Variants in LTBP1 observed in about 807,000 individuals in gnomAD.
LTBP1 encodes the protein latent transforming growth factor beta binding protein 1.
Under a neutral mutation model 207.6 loss-of-function variants are expected in LTBP1, and 129 were observed. That is an observed-to-expected ratio of 0.62 (90% CI 0.54 to 0.72). LTBP1 has a LOEUF of 0.72. Among genes scored for constraint, LTBP1 ranks in the 30% least tolerant of loss-of-function variants. LTBP1 has a pLI of 0.00. For synonymous variants in LTBP1, 963 were observed against 833.7 expected (o/e 1.16, Z -2.67); for missense variants, 2,281 against 2,217.2 (o/e 1.03, Z -0.58).
In LTBP1 at chr2:32,947,316, G is replaced by A; in HGVS notation, c.-9G>A. On this transcript the variant is annotated 5_prime_UTR_variant, in exon 1 of 34. Coordinates refer to ENST00000404816, the MANE Select transcript of LTBP1 (RefSeq NM_206943.4). ...CGCGCGCGACCGGTCGCGCCCGCTG[G>A]GGCCCGCGATGGCGGGGGCCTGGCT... 1 of 1,232,672 alleles carries A rather than the reference G, an allele frequency of 8.1e-7. No individual in the cohort carries two copies. The highest frequency in any genetic ancestry group is 1.0e-6 in the Non-Finnish European group (1 of 987,872). The allele number at this position is 1,232,672 out of a possible 1,614,324, so 76.4% of individuals were successfully genotyped here. A position where few individuals can be genotyped will look rare whatever the true frequency, so the allele number is the denominator to read the frequency against.
chr2:33,254,547 TG>T (rs1223011224), intron 11 of LTBP1, among the ~76,000 whole-genome samples: 1 of 109,300 alleles, frequency 9.1e-6, no homozygotes, highest in African/African-American at 3.6e-5. Flanking sequence ...TCTTTAAACT[TG>T]GTTTTTTTTT....
intron 2 of LTBP1, among the ~76,000 whole-genome samples, chr2:32,978,922 C>T (rs1022232109): frequency 6.6e-6 from 1 of 151,698 alleles, no homozygotes; most frequent in Non-Finnish European, 1.5e-5. Flanking sequence ...CTTCATGATT[C>T]AATCTTGGTA....
chr2:33,004,543 T>A (rs1028101772), intron 2 of LTBP1, among the ~76,000 whole-genome samples: 2 of 151,592 alleles, frequency 1.3e-5, no homozygotes, highest in African/African-American at 4.8e-5. Flanking sequence ...ACCTATAATC[T>A]CAGCACTTTG....
intron 5 of LTBP1, among the ~76,000 whole-genome samples, chr2:33,154,849 C>T (rs139195987): frequency 0.015 from 2,289 of 152,122 alleles, 22 homozygotes; most frequent in East Asian, 0.027. Context: ...GATAGCTTGA[C>T]GTCAAGAGTT....
chr2:32,980,100 GT>G (rs1017753250), intron 2 of LTBP1, among the ~76,000 whole-genome samples: 2 of 151,604 alleles, frequency 1.3e-5, no homozygotes, highest in Non-Finnish European at 3.0e-5. Flanking sequence ...CATACTGTTA[GT>G]TTTTTTAAAT....
chr2:33,020,930 A>T lies in LTBP1; in HGVS notation c.587A>T (p.Gln196Leu), dbSNP rs1473581932. The change falls in exon 3 of 34, where the codon CAG becomes CTG. Residue 196 changes from glutamine to leucine, a missense_variant. By Grantham distance (113) the Gln-to-Leu change is moderately radical. Around this residue, in one of 3 missense-constraint regions of LTBP1, gnomAD observed 555 missense variants for 491.0 expected, o/e 1.13. Coordinates refer to ENST00000404816, the MANE Select transcript of LTBP1 (RefSeq NM_206943.4). ...CTKPSCVPPC[Q>L]NGGMCLRPQL... ...GCAGCTAGCTGTGTTCCGCCATGTC[A>T]GAATGGAGGGATGTGTCTCCGGCCA... The T allele has an allele frequency of 1.9e-6, 3 of 1,590,314 alleles. No individual in the cohort carries two copies. Among genetic ancestry groups the T allele is most frequent in the Non-Finnish European group, 2.6e-6 (3 of 1,162,672 alleles).
At chr2:33,091,721 G>A (rs937663093) in intron 3 of LTBP1, among the ~76,000 whole-genome samples, 8 of 152,152 alleles carry the variant, frequency 5.3e-5, no homozygotes, top group East Asian at 1.9e-4. Context: ...CTAATCGCCC[G>A]AAGGAAGTTC....
chr2:33,107,545 T>G (rs1401734601), intron 3 of LTBP1, among the ~76,000 whole-genome samples: 1 of 152,162 alleles, frequency 6.6e-6, no homozygotes, highest in Non-Finnish European at 1.5e-5. Flanking sequence ...ATTGAGGAGA[T>G]GTCTTAGGGG....
chr2:33,323,644 A>ACAAG (rs888799887), intron 24 of LTBP1, among the ~76,000 whole-genome samples: 2 of 151,308 alleles, frequency 1.3e-5, no homozygotes, highest in Non-Finnish European at 2.9e-5. Context: ...AAACAAACAA[A>ACAAG]CAAAAAATCA....
chr2:33,056,704 T>C (rs112249781), intron 3 of LTBP1, among the ~76,000 whole-genome samples: 16,897 of 151,970 alleles, frequency 0.11, 1,033 homozygotes, highest in African/African-American at 0.13. Context: ...GGAGTGAAGA[T>C]GCAGACCTTC....
chr2:33,279,615 C>A (rs1421198812), intron 18 of LTBP1, among the ~76,000 whole-genome samples: 1 of 152,080 alleles, frequency 6.6e-6, no homozygotes, highest in Admixed American at 6.6e-5. Context: ...TGAGAATTTC[C>A]CTAGAGCATC....
intron 30 of LTBP1, among the ~76,000 whole-genome samples, chr2:33,364,910 G>A (rs2094966820): frequency 6.6e-6 from 1 of 152,210 alleles, no homozygotes; most frequent in Non-Finnish European, 1.5e-5. Context: ...AGGATGAAGG[G>A]TCACTAGTCC....
intron 3 of LTBP1, among the ~76,000 whole-genome samples, chr2:33,029,763 A>G (rs2075606108): frequency 6.6e-6 from 1 of 152,262 alleles, no homozygotes; most frequent in Non-Finnish European, 1.5e-5. Flanking sequence ...TACTTTGCAC[A>G]GTATTTTTGA....
intron 9 of LTBP1, among the ~76,000 whole-genome samples, chr2:33,227,799 CTTTTTTTTTTTT>C (rs10548945): frequency 9.4e-5 from 5 of 53,346 alleles, no homozygotes; most frequent in South Asian, 1.5e-3. Flanking sequence ...ATAAGAAGCT[CTTTTTTTTTTTT>C]TTTTTTTTTT....
At chr2:33,186,505 G>T (rs1038924230) in intron 5 of LTBP1, among the ~76,000 whole-genome samples, 1 of 152,156 alleles carries the variant, frequency 6.6e-6, no homozygotes, top group Non-Finnish European at 1.5e-5. Context: ...GTCAGTTAAT[G>T]AAATAATTAT....
intron 31 of LTBP1, among the ~76,000 whole-genome samples, chr2:33,365,740 A>G (rs898800769): frequency 6.6e-6 from 1 of 151,916 alleles, no homozygotes; most frequent in East Asian, 1.9e-4. Flanking sequence ...CATTACCCCA[A>G]TGAATGATAA....
intron 5 of LTBP1, among the ~76,000 whole-genome samples, chr2:33,154,344 G>A (rs879229493): frequency 6.6e-6 from 1 of 152,076 alleles, no homozygotes; most frequent in African/African-American, 2.4e-5. Flanking sequence ...TCCCATTTTT[G>A]TATTCCAAAC....
intron 18 of LTBP1, among the ~76,000 whole-genome samples, chr2:33,276,628 A>T (rs1447892315): frequency 2.6e-5 from 4 of 152,194 alleles, no homozygotes; most frequent in Non-Finnish European, 5.9e-5. Context: ...AAGCGGGTGG[A>T]TCACTTGAGG....
chr2:32,948,664 T>C (rs1026302642), intron 1 of LTBP1, among the ~76,000 whole-genome samples: 1 of 152,224 alleles, frequency 6.6e-6, no homozygotes, highest in Non-Finnish European at 1.5e-5. Flanking sequence ...GCAGGCTTTT[T>C]GGTTCTCCCA....
Sources: allele counts gnomAD v4.1 joint callset (sites outside exome capture counted in the v4.1 genomes callset), GRCh38; gene constraint gnomAD v4.1.1; regional missense constraint gnomAD v4.1.1; transcripts MANE v1.5; gene names NCBI Gene and HGNC (gene_info 2026-07-23, HGNC 2026-07-21).